The following SCFD2 variants were observed in gnomAD, a reference collection of about 807,000 sequenced individuals.
SCFD2 encodes the protein sec1 family domain-containing protein 2.
A neutral mutation model predicts 58.9 loss-of-function variants in SCFD2; 54 were observed. The ratio of observed to expected loss-of-function variants is 0.92; its 90% CI spans 0.74 to 1.15. The LOEUF (loss-of-function observed/expected upper bound fraction) is 1.15. Ranked by LOEUF, SCFD2 falls within the 50% of genes most tolerant of loss-of-function variation. SCFD2 has a pLI of 0.00. For missense variants in SCFD2, 805 were observed against 836.6 expected, an observed-to-expected ratio of 0.96 and a Z score of 0.47; for synonymous variants, 321 against 335.9, an observed-to-expected ratio of 0.96 and a Z score of 0.49.
intron 5 of SCFD2, among the ~76,000 whole-genome samples, chr4:53,017,094 C>T (rs982679751): frequency 3.4e-5 from 5 of 147,782 alleles, no homozygotes; most frequent in Non-Finnish European, 5.9e-5. Flanking sequence ...GGCAACAGAG[C>T]GAGACTCCGT....
chr4:52,977,731 T>A (rs4864705), intron 5 of SCFD2, among the ~76,000 whole-genome samples: 52,474 of 152,078 alleles, frequency 0.35, 10,240 homozygotes, highest in Middle Eastern at 0.49. Flanking sequence ...GGAAAATTGT[T>A]ACAGAGGAGC....
rs116942131 is a variant in SCFD2, at chr4:53,316,027, T to C, written c.1008-2264A>G. Among the ~76,000 whole-genome samples, 27 of 152,284 alleles carry C rather than the reference T, an allele frequency of 1.8e-4. No individual in the cohort carries two copies. In the East Asian group the frequency reaches 5.2e-3, roughly 29 times the overall value. The stretch of plus-strand genomic sequence containing the variant: ...GTATTCCAAGCAGAGGAACACTCTT[T>C]CTACAAATCTCTCTCTCCCTCCAGG... On this transcript the variant is annotated intron_variant, in intron 2 of 8. Transcript: ENST00000401642.
intron 7 of SCFD2, among the ~76,000 whole-genome samples, chr4:52,887,019 C>T (rs574090869): frequency 6.6e-6 from 1 of 152,330 alleles, no homozygotes; most frequent in African/African-American, 2.4e-5. Flanking sequence ...TACTTGTTGG[C>T]CATCTTCTCT....
At chr4:52,953,098 T>C (rs1404028741) in intron 5 of SCFD2, among the ~76,000 whole-genome samples, 2 of 152,182 alleles carry the variant, frequency 1.3e-5, no homozygotes, top group African/African-American at 2.4e-5. Flanking sequence ...CTACAACACC[T>C]AGATGGCTCC....
chr4:52,920,283 C>T (rs1040431611), intron 6 of SCFD2, among the ~76,000 whole-genome samples: 3 of 152,206 alleles, frequency 2.0e-5, no homozygotes, highest in African/African-American at 7.2e-5. Flanking sequence ...ATATTTTCAT[C>T]ACAAACTTTT....
chr4:53,017,573 A>G (rs1722245912), intron 5 of SCFD2, among the ~76,000 whole-genome samples: 1 of 152,244 alleles, frequency 6.6e-6, no homozygotes, highest in South Asian at 2.1e-4. Context: ...TATGGACTTT[A>G]AAATATCCCA....
At chr4:52,939,532 G>C (rs1202950644) in intron 5 of SCFD2, among the ~76,000 whole-genome samples, 2 of 152,020 alleles carry the variant, frequency 1.3e-5, no homozygotes, top group Non-Finnish European at 2.9e-5. Context: ...TCTCCAAAAG[G>C]GATAAGATGC....
chr4:53,192,643 G>A (rs1272026343), intron 4 of SCFD2, among the ~76,000 whole-genome samples: 1 of 152,140 alleles, frequency 6.6e-6, no homozygotes, highest in Non-Finnish European at 1.5e-5. Flanking sequence ...ATGTATGACT[G>A]CGTGCAAGTC....
At chr4:52,986,577 CA>C in intron 5 of SCFD2, among the ~76,000 whole-genome samples, 3 of 141,556 alleles carry the variant, frequency 2.1e-5, no homozygotes, top group East Asian at 2.2e-4. Context: ...TGGCTCACTG[CA>C]AGCTCCGCCT....
At position 53,029,659 on chromosome 4, in the gene SCFD2, A is replaced by G. The variant is rs1484650619; in HGVS notation, c.1562-108789T>C. On this transcript the variant is annotated intron_variant, in intron 5 of 8. Coordinates refer to ENST00000401642, the MANE Select transcript of SCFD2 (RefSeq NM_152540.4). ...AATTCTTAACTCTGGAACAGAATACAGTGTTTAGAAACATATCCACACATA... is the reference window on the plus strand; with the variant it reads ...AATTCTTAACTCTGGAACAGAATACGGTGTTTAGAAACATATCCACACATA... Among the ~76,000 whole-genome samples, 9 of 152,372 alleles carry G rather than the reference A, an allele frequency of 5.9e-5. No homozygotes were observed. The East Asian group carries it at 1.7e-3, about 29-fold the overall frequency.
At chr4:53,200,092 CTAAT>C (rs1728183642) in intron 4 of SCFD2, among the ~76,000 whole-genome samples, 1 of 152,050 alleles carries the variant, frequency 6.6e-6, no homozygotes, top group Admixed American at 6.6e-5. Flanking sequence ...GGCCTCATCT[CTAAT>C]TACTATCACA....
intron 7 of SCFD2, among the ~76,000 whole-genome samples, chr4:52,906,123 C>A (rs187741256): frequency 1.4e-3 from 220 of 152,296 alleles, no homozygotes; most frequent in African/African-American, 5.0e-3. Context: ...GTCACCTACA[C>A]TGCAACTCTC....
chr4:53,275,237 A>G (rs1731293495), intron 3 of SCFD2, among the ~76,000 whole-genome samples: 1 of 152,244 alleles, frequency 6.6e-6, no homozygotes, highest in Non-Finnish European at 1.5e-5. Context: ...ACCTTGCCAC[A>G]TGAAACTCAA....
intron 5 of SCFD2, among the ~76,000 whole-genome samples, chr4:52,970,976 C>G (rs1721084971): frequency 6.6e-6 from 1 of 152,126 alleles, no homozygotes; most frequent in Non-Finnish European, 1.5e-5. Context: ...AGAAGGAAAA[C>G]TAACAAACAG....
chr4:52,959,923 C>CACACACACACACAT (rs1264153809), intron 5 of SCFD2, among the ~76,000 whole-genome samples: 1 of 151,846 alleles, frequency 6.6e-6, no homozygotes, highest in African/African-American at 2.4e-5. Flanking sequence ...CACACACACA[C>CACACACACACACAT]ACTTGAATCA....
At chr4:53,166,056 T>C (rs1397968062) in intron 4 of SCFD2, among the ~76,000 whole-genome samples, 1 of 152,224 alleles carries the variant, frequency 6.6e-6, no homozygotes, top group Non-Finnish European at 1.5e-5. Context: ...GCCTACGTTA[T>C]TTAGCATGTC....
chr4:52,946,616 C>T (rs945580513), intron 5 of SCFD2, among the ~76,000 whole-genome samples: 8 of 152,184 alleles, frequency 5.3e-5, no homozygotes, highest in East Asian at 1.9e-4. Context: ...GTTTTCATCT[C>T]CTTAACCAAA....
chr4:53,082,696 C>G (rs1724183585), intron 5 of SCFD2, among the ~76,000 whole-genome samples: 1 of 152,020 alleles, frequency 6.6e-6, no homozygotes, highest in Non-Finnish European at 1.5e-5. Context: ...CCAAACAGAA[C>G]AAAAGGCAGA....
chr4:53,097,949 C>A (rs991441535), intron 5 of SCFD2, among the ~76,000 whole-genome samples: 1 of 152,088 alleles, frequency 6.6e-6, no homozygotes, highest in Non-Finnish European at 1.5e-5. Flanking sequence ...TTGTCAAAGG[C>A]CTTTTCTGCA....
Sources: allele counts gnomAD v4.1 joint callset (sites outside exome capture counted in the v4.1 genomes callset), GRCh38; gene constraint gnomAD v4.1.1; transcripts MANE v1.5; gene names NCBI Gene and HGNC (gene_info 2026-07-23, HGNC 2026-07-21).